SLC9C2: variants seen among roughly 807,000 people sequenced by gnomAD.
SLC9C2 encodes sodium/hydrogen exchanger 11.
SLC9C2 carries 75 observed loss-of-function variants against 140.2 expected under a neutral mutation model. That is an observed-to-expected ratio of 0.53 (90% CI 0.44 to 0.65). The LOEUF is 0.65. Ranked by LOEUF, SLC9C2 falls within the 30% of genes least tolerant of loss-of-function variation. The probability of loss-of-function intolerance (pLI) is 0.00; values close to 1 mark genes in which losing one functional copy is unlikely to be tolerated. For synonymous variants in SLC9C2, 375 were observed against 420.9 expected (o/e 0.89, Z 1.34); for missense variants, 1,074 against 1,331.8 (o/e 0.81, Z 3.01).
intron 21 of SLC9C2, 76 bp from the exon 22 acceptor site, chr1:173,521,475 TTCTATA>T (rs1558025864): frequency 3.8e-6 from 1 of 260,894 alleles, no homozygotes; most frequent in Non-Finnish European, 6.0e-6. Context: ...TCTAAATATT[TTCTATA>T]TATATATATA....
Position 173,517,670 on chromosome 1 carries a change from C to A in SLC9C2, c.2774G>T (p.Ser925Ile). The change falls in exon 23 of 28, where the codon AGT becomes ATT. Residue 925 changes from serine to isoleucine, a missense_variant. Physicochemically the swap from Ser to Ile is moderately radical, Grantham distance 142. Transcript: ENST00000367714. ...GGACCCTCTATCACACCTTTGATTA[C>A]TCTCTATTCCAAAGGTAGGAGATAA... Reference protein sequence around the residue: ...HSLSPTFGIESNQRCDRGSRD... With the variant: ...HSLSPTFGIEINQRCDRGSRD... 1 of 1,612,924 alleles carries A rather than the reference C, an allele frequency of 6.2e-7. No homozygotes were observed. Among genetic ancestry groups the A allele is most frequent in the South Asian group, 1.1e-5 (1 of 90,768 alleles).
intron 6 of SLC9C2, among the ~76,000 whole-genome samples, chr1:173,582,418 C>A (rs942237688): frequency 6.6e-6 from 1 of 152,140 alleles, no homozygotes; most frequent in Non-Finnish European, 1.5e-5. Flanking sequence ...ATGACCCCTG[C>A]CCCCAGCCCA....
At chr1:173,516,701 T>A (rs1388833737) in intron 23 of SLC9C2, among the ~76,000 whole-genome samples, 2 of 152,236 alleles carry the variant, frequency 1.3e-5, no homozygotes, top group African/African-American at 4.8e-5. Flanking sequence ...ATGTTTTCTT[T>A]ATCCACTCTA....
At chr1:173,568,077 T>C (rs1260255877) in intron 9 of SLC9C2, among the ~76,000 whole-genome samples, 1 of 152,164 alleles carries the variant, frequency 6.6e-6, no homozygotes, top group Non-Finnish European at 1.5e-5. Flanking sequence ...ATGTAGTTTG[T>C]CATTTTGCAT....
intron 13 of SLC9C2, among the ~76,000 whole-genome samples, chr1:173,538,911 T>C (rs1662171443): frequency 6.6e-6 from 1 of 152,152 alleles, no homozygotes; most frequent in South Asian, 2.1e-4. Context: ...GAATGTGATA[T>C]ACACATTCTG....
At chr1:173,530,787 A>C (rs1306547153) in intron 17 of SLC9C2, among the ~76,000 whole-genome samples, 1 of 152,202 alleles carries the variant, frequency 6.6e-6, no homozygotes, top group Non-Finnish European at 1.5e-5. Flanking sequence ...CACAGGGTTA[A>C]AGTCATGTCA....
Position 173,537,047 on chromosome 1 carries a change from T to A in SLC9C2, c.1558-8A>T. ...CTGTTTTTCAAAGCTACTCTAAACA[T>A]ACATTAAATGAAGATTACAAAAGAT... is the stretch of plus-strand genomic sequence containing the variant. On this transcript the variant is annotated splice_region_variant and splice_polypyrimidine_tract_variant and intron_variant, in intron 13 of 27. Transcript: ENST00000367714. 6.2e-7 allele frequency: 1 copy of A among 1,601,656 alleles called. No homozygotes were observed. Among genetic ancestry groups the A allele is most frequent in the Non-Finnish European group, 8.6e-7 (1 of 1,169,196 alleles).
At chr1:173,585,269 T>C (rs1401645675) in intron 5 of SLC9C2, among the ~76,000 whole-genome samples, 2 of 152,176 alleles carry the variant, frequency 1.3e-5, no homozygotes, top group Non-Finnish European at 2.9e-5. Flanking sequence ...ATTTAGGTTG[T>C]ACAGGTTTAC....
At chr1:173,541,922 C>G (rs1437656628) in intron 13 of SLC9C2, among the ~76,000 whole-genome samples, 2 of 151,988 alleles carry the variant, frequency 1.3e-5, no homozygotes, top group East Asian at 1.9e-4. Context: ...GATCTAAAAT[C>G]AATACCCTAA....
intron 6 of SLC9C2, among the ~76,000 whole-genome samples, chr1:173,583,287 T>G (rs968068563): frequency 4.6e-5 from 7 of 152,226 alleles, no homozygotes; most frequent in Admixed American, 1.3e-4. Context: ...ATTGTTGTAT[T>G]GTTATTTTTA....
At chr1:173,560,188 G>A (rs772036904) in intron 9 of SLC9C2, among the ~76,000 whole-genome samples, 22 of 152,146 alleles carry the variant, frequency 1.4e-4, no homozygotes, top group Admixed American at 4.6e-4. Flanking sequence ...TGAATAGAAG[G>A]AAGTTCATAC....
At chr1:173,590,400 T>A (rs2102247563) in intron 4 of SLC9C2, among the ~76,000 whole-genome samples, 1 of 152,064 alleles carries the variant, frequency 6.6e-6, no homozygotes, top group East Asian at 1.9e-4. Flanking sequence ...CCCAGAAACA[T>A]CACAGTGAAA....
intron 23 of SLC9C2, among the ~76,000 whole-genome samples, chr1:173,515,627 T>C (rs755119009): frequency 2.9e-4 from 44 of 152,144 alleles, no homozygotes; most frequent in Non-Finnish European, 5.1e-4. Flanking sequence ...CTCAGCAGAG[T>C]TTGTTATTAC....
intron 6 of SLC9C2, 99 bp downstream of exon 6, chr1:173,583,407 A>AGTAAAGTATAGAGAAGGCAGC: frequency 3.1e-6 from 2 of 636,838 alleles, no homozygotes; most frequent in Non-Finnish European, 5.3e-6. Flanking sequence ...TCAGCCCAAA[A>AGTAAAGTATAGAGAAGGCAGC]GTAAAGTATA....
chr1:173,538,865 G>T (rs1013116169), intron 13 of SLC9C2, among the ~76,000 whole-genome samples: 4 of 152,098 alleles, frequency 2.6e-5, no homozygotes, highest in African/African-American at 7.2e-5. Flanking sequence ...CTTGTATATT[G>T]TGCTTTGACT....
intron 10 of SLC9C2, among the ~76,000 whole-genome samples, chr1:173,556,859 C>A (rs935069253): frequency 1.3e-5 from 2 of 149,784 alleles, no homozygotes; most frequent in South Asian, 4.2e-4. Flanking sequence ...ACCTGGGAGG[C>A]GGAGGTTGCA....
chr1:173,595,020 C>T (rs1016316169), intron 4 of SLC9C2, among the ~76,000 whole-genome samples: 2 of 152,166 alleles, frequency 1.3e-5, no homozygotes, highest in Admixed American at 1.3e-4. Context: ...CTGCCTCAGC[C>T]TCCTGAGTAG....
chr1:173,581,287 T>A (rs566779426), intron 7 of SLC9C2, among the ~76,000 whole-genome samples: 1 of 152,224 alleles, frequency 6.6e-6, no homozygotes, highest in African/African-American at 2.4e-5. Flanking sequence ...CTCCATTTCA[T>A]TGGACTAAAC....
At chr1:173,594,465 G>C (rs1198062606) in intron 4 of SLC9C2, among the ~76,000 whole-genome samples, 1 of 152,062 alleles carries the variant, frequency 6.6e-6, no homozygotes, top group Admixed American at 6.6e-5. Flanking sequence ...TTTTTAAAAA[G>C]CTGCTAGAGC....
Sources: gnomAD v4.1 joint callset for allele counts (sites outside exome capture counted in the v4.1 genomes callset) on GRCh38, gnomAD v4.1.1 for gene constraint, MANE v1.5 for transcripts, NCBI Gene and HGNC (gene_info 2026-07-23, HGNC 2026-07-21) for gene names.